Variants in PDLIM7 observed in about 807,000 individuals in gnomAD.
The protein encoded by PDLIM7 is PDZ and LIM domain protein 7.
In PDLIM7, 37 loss-of-function variants were observed where a neutral mutation model predicts 53.9. The ratio of observed to expected loss-of-function variants is 0.69; its 90% CI spans 0.53 to 0.90. The LOEUF (loss-of-function observed/expected upper bound fraction) is 0.90. Ranked by LOEUF, PDLIM7 falls within the 40% of genes least tolerant of loss-of-function variation. PDLIM7 has a pLI of 0.00. For missense variants in PDLIM7, 617 were observed against 638.5 expected, an observed-to-expected ratio of 0.97 and a Z score of 0.36; for synonymous variants, 300 against 261.3, an observed-to-expected ratio of 1.15 and a Z score of -1.43.
chr5:177,493,778 G>A (rs1758921295), intron 2 of PDLIM7, among the ~76,000 whole-genome samples: 1 of 149,478 alleles, frequency 6.7e-6, no homozygotes, highest in Admixed American at 6.6e-5. Flanking sequence ...ACTGCATCAA[G>A]TAGGCTTTTG....
intron 10 of PDLIM7, 196 bp downstream of exon 10, chr5:177,487,872 T>C: frequency 2.1e-6 from 1 of 478,020 alleles, no homozygotes; most frequent in South Asian, 4.9e-5. Context: ...CTTGGGCGGT[T>C]TCTGAGCAGG....
chr5:177,491,164 C>A lies in PDLIM7; in HGVS notation c.399-18G>T. 1 of 1,584,120 alleles carries A rather than the reference C, an allele frequency of 6.3e-7. No individual in the cohort carries two copies. Among genetic ancestry groups the A allele is most frequent in the Non-Finnish European group, 8.6e-7 (1 of 1,161,070 alleles). ...GCGGCTGTCTGTGGGGAGGGTGTGG[C>A]TCAGAACCCCACACTGGGGGTGGGC... On this transcript the variant is annotated intron_variant, in intron 5 of 12. Transcript: ENST00000355841.
At chr5:177,495,634 T>C (rs895109910) in intron 2 of PDLIM7, among the ~76,000 whole-genome samples, 1 of 152,186 alleles carries the variant, frequency 6.6e-6, no homozygotes, top group Non-Finnish European at 1.5e-5. Context: ...CCAGCCCTTT[T>C]CAGCTCTGCA....
intron 7 of PDLIM7, chr5:177,490,366 G>A: frequency 1.4e-6 from 2 of 1,462,292 alleles, no homozygotes; most frequent in Non-Finnish European, 1.8e-6. Context: ...GGCCAGGCCA[G>A]CAGGAGGCTC....
intron 10 of PDLIM7, chr5:177,484,538 G>A (rs1412726106): frequency 7.5e-6 from 2 of 267,908 alleles, no homozygotes; most frequent in Non-Finnish European, 7.3e-6. Flanking sequence ...GAAATCCAGT[G>A]GGGCCCACCC....
Position 177,490,270 on chromosome 5 carries a change from G to A in PDLIM7, c.573-438C>T, listed in dbSNP as rs184423326. ...GCAGGGCTGAGAATGTTTATTCCAT[G>A]CCCAAGGCAGCACAGACCTGGCAGA... On this transcript the variant is annotated intron_variant, in intron 7 of 12. Coordinates refer to ENST00000355841, the MANE Select transcript of PDLIM7 (RefSeq NM_005451.5). The A allele has an allele frequency of 3.7e-4, 533 of 1,444,812 alleles. 1 individual carries two copies. In the African/African-American group the frequency reaches 6.9e-3, roughly 19 times the overall value. The allele number at this position is 1,444,812 out of a possible 1,614,324, so 89.5% of individuals were successfully genotyped here.
At chr5:177,490,344 G>A (rs1459313348) in intron 7 of PDLIM7, 4 of 1,452,472 alleles carry the variant, frequency 2.8e-6, no homozygotes, top group East Asian at 2.5e-5. Flanking sequence ...ATGAACCCAG[G>A]TGGGCGGCCA....
Position 177,492,792 on chromosome 5 carries a change from CTTCA to C in PDLIM7, c.97-119_97-116del. The C allele has an allele frequency of 2.6e-6, 3 of 1,157,028 alleles. No homozygotes were observed. In the South Asian group the frequency reaches 4.2e-5, roughly 16 times the overall value. 71.7% of individuals were successfully genotyped at this position (1,157,028 alleles called of 1,614,324 possible). A position where few individuals can be genotyped will look rare whatever the true frequency, so the allele number is the denominator to read the frequency against. On this transcript the variant is annotated intron_variant, in intron 2 of 12. Transcript: ENST00000355841. Reference sequence around the variant, plus strand: ...TCCCACTTCCAGAACCCAGAGAGCTCTTCATTCAACATAGTTCTAGGCAGCTGCT... The same window carrying C: ...TCCCACTTCCAGAACCCAGAGAGCTCTTCAACATAGTTCTAGGCAGCTGCT...
chr5:177,486,570 G>A (rs1225466995), intron 10 of PDLIM7, among the ~76,000 whole-genome samples: 1 of 152,160 alleles, frequency 6.6e-6, no homozygotes, highest in Non-Finnish European at 1.5e-5. Context: ...TTGAGCTGGT[G>A]GGAGAGGGGG....
chr5:177,487,289 A>C (rs1265325180), intron 10 of PDLIM7, among the ~76,000 whole-genome samples: 1 of 152,202 alleles, frequency 6.6e-6, no homozygotes, highest in Non-Finnish European at 1.5e-5. Flanking sequence ...ATGGGTGCCC[A>C]AAATAAAGAC....
At position 177,489,394 on chromosome 5, in the gene PDLIM7, G is replaced by C; in HGVS notation, c.868C>G (p.Arg290Gly). The change falls in exon 9 of 13, where the codon CGG (arginine) becomes GGG (glycine). Residue 290 changes from arginine to glycine, a missense_variant and splice_region_variant. Coordinates refer to ENST00000355841, the MANE Select transcript of PDLIM7 (RefSeq NM_005451.5). ...GTCGGACAGGAACAGGCCACCCACC[G>C]GATGACCTTGTGGCACTGGTGACAC... ...PVCHQCHKVI[R>G]GRYLVALGHA... 1 of 1,570,570 alleles carries C rather than the reference G, an allele frequency of 6.4e-7. No homozygotes were observed. The highest frequency in any genetic ancestry group is 1.2e-5 in the South Asian group (1 of 85,256).
At chr5:177,486,424 G>C (rs1020264456) in intron 10 of PDLIM7, among the ~76,000 whole-genome samples, 11 of 152,122 alleles carry the variant, frequency 7.2e-5, no homozygotes, top group Non-Finnish European at 1.3e-4. Flanking sequence ...GGCCCAGAGA[G>C]AGCAACTAGC....
intron 6 of PDLIM7, 47 bp downstream of exon 6, chr5:177,490,963 T>A (rs1409130133): frequency 2.2e-5 from 35 of 1,613,936 alleles, no homozygotes; most frequent in Non-Finnish European, 3.0e-5. Flanking sequence ...GGATCACGCC[T>A]GGGCTGGGGG....
In PDLIM7 at chr5:177,489,768, C is replaced by A; in HGVS notation, c.634+3G>T. 1 of 1,549,802 alleles carries A rather than the reference C, an allele frequency of 6.5e-7. No homozygotes were observed. Among genetic ancestry groups the A allele is most frequent in the Non-Finnish European group, 8.7e-7 (1 of 1,147,152 alleles). On this transcript the variant is annotated splice_donor_region_variant and intron_variant, in intron 8 of 12. Coordinates refer to ENST00000355841, the MANE Select transcript of PDLIM7 (RefSeq NM_005451.5). ...GCCCAGGCCCGAGCCCACTCCCTCT[C>A]ACCAGGCCAGGGCTCCTGGGGTGTA...
intron 10 of PDLIM7, among the ~76,000 whole-genome samples, chr5:177,487,452 G>A (rs1561700187): frequency 1.3e-5 from 2 of 152,228 alleles, no homozygotes; most frequent in African/African-American, 4.8e-5. Flanking sequence ...CCTGCTGGCT[G>A]GAAGGTGAGC....
intron 10 of PDLIM7, 116 bp downstream of exon 10, chr5:177,487,952 G>T: frequency 5.4e-6 from 5 of 918,390 alleles, no homozygotes; most frequent in Non-Finnish European, 8.0e-6. Flanking sequence ...CATTTATTAC[G>T]CTGGTAAGGA....
chr5:177,485,828 A>G (rs534513268), intron 10 of PDLIM7, among the ~76,000 whole-genome samples: 2 of 152,068 alleles, frequency 1.3e-5, no homozygotes, highest in Non-Finnish European at 2.9e-5. Flanking sequence ...CTACAAAAAG[A>G]TTTAAAAATC....
At chr5:177,491,681 C>G in intron 5 of PDLIM7, 126 bp downstream of exon 5, 2 of 654,924 alleles carry the variant, frequency 3.1e-6, no homozygotes, top group Non-Finnish European at 4.9e-6. Flanking sequence ...ACCCCGGCCG[C>G]CAGGGGGCGC....
At chr5:177,486,892 A>G (rs1199264099) in intron 10 of PDLIM7, among the ~76,000 whole-genome samples, 14 of 141,820 alleles carry the variant, frequency 9.9e-5, no homozygotes, top group Non-Finnish European at 1.8e-4. Context: ...CGGCCTCCCA[A>G]AGTGCTGGGA....
Sources: gnomAD v4.1 joint callset for allele counts (sites outside exome capture counted in the v4.1 genomes callset) on GRCh38, gnomAD v4.1.1 for gene constraint, MANE v1.5 for transcripts, NCBI Gene and HGNC (gene_info 2026-07-23, HGNC 2026-07-21) for gene names.